SP140: variants seen among roughly 807,000 people sequenced by gnomAD.
The protein encoded by SP140 is nuclear body protein SP140.
In SP140, 81 loss-of-function variants were observed where a neutral mutation model predicts 125.0. The ratio of observed to expected loss-of-function variants is 0.65; its 90% CI spans 0.54 to 0.78. The LOEUF is 0.78. SP140 is among the 30% of genes least tolerant of loss of function. The pLI is 0.00. For missense variants in SP140, 858 were observed against 1,037.0 expected, an observed-to-expected ratio of 0.83 and a Z score of 2.37; for synonymous variants, 312 against 354.0, an observed-to-expected ratio of 0.88 and a Z score of 1.33.
intron 1 of SP140, chr2:230,213,007 G>A (rs1458715719): frequency 6.2e-7 from 1 of 1,614,036 alleles, no homozygotes; most frequent in South Asian, 1.1e-5. Context: ...TCTCTGCTCT[G>A]CCATTCATAG....
the SP140 span, among the ~76,000 whole-genome samples, chr2:230,188,227 G>GTATTT: frequency 6.6e-6 from 1 of 152,036 alleles, no homozygotes; most frequent in African/African-American, 2.4e-5. Context: ...ATATTCCTAG[G>GTATTT]TATTTTATTT....
At chr2:230,288,204 A>T (rs1050549794) in intron 18 of SP140, 4 of 416,954 alleles carry the variant, frequency 9.6e-6, no homozygotes, top group Non-Finnish European at 1.7e-5. Context: ...TGCTACTTTC[A>T]CTGAAATGAT....
At chr2:230,193,601 C>A in the SP140 span, among the ~76,000 whole-genome samples, 1 of 152,320 alleles carries the variant, frequency 6.6e-6, no homozygotes, top group South Asian at 2.1e-4. Context: ...CTTTATTTCT[C>A]CTTCATTCAT....
chr2:230,220,059 A>C (rs1157967694), intron 3 of SP140: 1 of 985,404 alleles, frequency 1.0e-6, no homozygotes, highest in Non-Finnish European at 1.2e-6. Flanking sequence ...GCCAAGCCGG[A>C]AGCTGAAGGC....
rs369737388 is a variant in SP140, at chr2:230,213,036, G to A, written c.-322-618G>A. The A allele has an allele frequency of 1.9e-6, 3 of 1,613,554 alleles. No individual in the cohort carries two copies. The highest frequency in any genetic ancestry group is 2.5e-6 in the Non-Finnish European group (3 of 1,179,834). On this transcript the variant is annotated intron_variant, in intron 1 of 4. Coordinates refer to the SP140 transcript ENST00000456542. ...TTCATAGGAAGCACCAACTGGGATT[G>A]GTGAAGGGACACACATCAGTACCCT...
intron 15 of SP140, 146 bp from the exon 16 acceptor site, chr2:230,284,200 C>T (rs1230706925): frequency 9.0e-6 from 6 of 668,922 alleles, no homozygotes; most frequent in South Asian, 2.3e-5. Flanking sequence ...ACTCAACCTC[C>T]ACGCTGCTAC....
At chr2:230,207,110 C>T (rs760224700) in intron 1 of SP140, among the ~76,000 whole-genome samples, 2 of 152,146 alleles carry the variant, frequency 1.3e-5, no homozygotes, top group African/African-American at 2.4e-5. Flanking sequence ...AGCTTTGGAA[C>T]GAGGATCTTT....
intron 4 of SP140, 58 bp from the exon 5 acceptor site, chr2:230,243,673 T>C: frequency 7.3e-7 from 1 of 1,363,548 alleles, no homozygotes; most frequent in Non-Finnish European, 1.0e-6. Flanking sequence ...GTTTTCTTGT[T>C]TTGATGGCTT....
At chr2:230,252,130 T>G (rs2050466093) in intron 10 of SP140, among the ~76,000 whole-genome samples, 3 of 151,456 alleles carry the variant, frequency 2.0e-5, no homozygotes, top group African/African-American at 4.9e-5. Flanking sequence ...TATTGAGAGT[T>G]AGAAAGTATG....
At chr2:230,200,964 C>T, upstream of SP140, 6 of 1,612,352 alleles carry the variant, frequency 3.7e-6, no homozygotes, top group Non-Finnish European at 5.1e-6. Flanking sequence ...CATCAATGAT[C>T]TCTGGAAAAT....
rs143160618 is a variant in SP140, at chr2:230,254,395, C to A, written c.1159+978C>A. Among the ~76,000 whole-genome samples the A allele has an allele frequency of 9.4e-3, 1,424 of 152,200 alleles. 19 individuals carry two copies. The highest frequency in any genetic ancestry group is 0.032 in the African/African-American group (1,332 of 41,516). ...TCAGAGGGTAAGAATTCTTTCTCTC[C>A]CCGCAGCCTCATCTGCTCAGGTAGT... On this transcript the variant is annotated intron_variant, in intron 11 of 26. Coordinates refer to ENST00000392045, the MANE Select transcript of SP140 (RefSeq NM_007237.5).
At chr2:230,189,172 T>A in the SP140 span, among the ~76,000 whole-genome samples, 1 of 152,148 alleles carries the variant, frequency 6.6e-6, no homozygotes, top group African/African-American at 2.4e-5. Context: ...GTTTAATTGA[T>A]CTTTTTTATT....
chr2:230,261,981 G>A (rs1371329687), intron 12 of SP140, among the ~76,000 whole-genome samples: 1 of 152,142 alleles, frequency 6.6e-6, no homozygotes, highest in African/African-American at 2.4e-5. Context: ...ATGAATTAGG[G>A]AGGGTTCCTT....
intron 23 of SP140, chr2:230,310,527 C>T: frequency 9.2e-7 from 1 of 1,092,578 alleles, no homozygotes; most frequent in Middle Eastern, 3.0e-4. Context: ...GGTGACACCA[C>T]CTTCCTCAGA....
At chr2:230,239,117 T>C in intron 3 of SP140, 2 of 1,144,732 alleles carry the variant, frequency 1.7e-6, no homozygotes, top group Non-Finnish European at 2.3e-6. Context: ...TGTGTTGATT[T>C]GTGAATACTA....
intron 15 of SP140, among the ~76,000 whole-genome samples, chr2:230,271,728 C>T (rs1052874277): frequency 6.6e-6 from 1 of 152,106 alleles, no homozygotes; most frequent in East Asian, 1.9e-4. Context: ...GAAAAAGAAT[C>T]AAGTCTTGAT....
At chr2:230,297,764 G>A (rs1365483111) in intron 22 of SP140, among the ~76,000 whole-genome samples, 5 of 152,208 alleles carry the variant, frequency 3.3e-5, no homozygotes, top group Non-Finnish European at 5.9e-5. Context: ...AGCCTGAAGT[G>A]GTAATGGGTA....
intron 3 of SP140, among the ~76,000 whole-genome samples, chr2:230,214,538 T>A (rs952906759): frequency 6.6e-6 from 1 of 152,204 alleles, no homozygotes; most frequent in Non-Finnish European, 1.5e-5. Context: ...TCAAATAAAG[T>A]GTTTGCGATA....
At chr2:230,231,848 A>G (rs981257966) in intron 1 of SP140, among the ~76,000 whole-genome samples, 7 of 152,148 alleles carry the variant, frequency 4.6e-5, no homozygotes, top group Non-Finnish European at 8.8e-5. Context: ...CAGAGATTAC[A>G]GGTGCCTGCC....
Sources: gnomAD v4.1 joint callset for allele counts (sites outside exome capture counted in the v4.1 genomes callset) on GRCh38, gnomAD v4.1.1 for gene constraint, MANE v1.5 for transcripts, NCBI Gene and HGNC (gene_info 2026-07-23, HGNC 2026-07-21) for gene names.